Variants in PPIA observed in about 807,000 individuals in gnomAD.
PPIA encodes peptidylprolyl isomerase A, also known as peptidyl-prolyl cis-trans isomerase A.
A neutral mutation model predicts 15.3 loss-of-function variants in PPIA; 2 were observed. That is an observed-to-expected ratio of 0.13 (90% CI 0.05 to 0.41). The LOEUF is 0.41. Ranked by LOEUF, PPIA falls within the 10% of genes least tolerant of loss-of-function variation. The pLI, the probability that PPIA is intolerant of heterozygous loss-of-function variation, is 0.99. For missense variants in PPIA, 103 were observed against 210.3 expected (o/e 0.49, Z 3.16); for synonymous variants, 67 against 73.1 (o/e 0.92, Z 0.43).
intron 1 of PPIA, chr7:44,798,726 T>A: frequency 1.0e-6 from 1 of 985,676 alleles, no homozygotes; most frequent in Non-Finnish European, 1.2e-6. Context: ...AAACCAATCT[T>A]TATTTTTTAC....
rs1792587841 is a variant in PPIA, at chr7:44,802,178, T to TTG, written c.*757_*758insGT. On this transcript the variant is annotated 3_prime_UTR_variant, in exon 5 of 5. Coordinates refer to ENST00000468812, the MANE Select transcript of PPIA (RefSeq NM_021130.5). ...AAATTGAGACATCTGTTGCGGTTTT[T>TTG]TTTTTTTTTTTTTCCCCTGGAATGC... is the stretch of plus-strand genomic sequence containing the variant. 6.6e-6 allele frequency: 1 copy of TTG among 150,748 alleles called. No individual in the cohort carries two copies. The allele number at this position is 150,748 out of a possible 1,614,324, so 9.3% of individuals were successfully genotyped here.
At chr7:44,797,835 C>G (rs1792426878) in intron 1 of PPIA, 1 of 152,186 alleles carries the variant, frequency 6.6e-6, no homozygotes. Flanking sequence ...CAAAAGGCCA[C>G]CAATGGCTAG....
chr7:44,800,479 C>G (rs1310572007), intron 4 of PPIA: 2 of 153,006 alleles, frequency 1.3e-5, no homozygotes, highest in African/African-American at 2.5e-5. Flanking sequence ...TCTCAGCTCA[C>G]TGCAACCTCC....
At position 44,801,542 on chromosome 7, in the gene PPIA, T is replaced by G. The variant is rs1249494534; in HGVS notation, c.*120T>G. ...TTTGTGCTCTCGCTGCAGTTCCCTTTGGGTTCCATGTTTTCCTTGTTCCCT... is the reference window on the plus strand; with the variant it reads ...TTTGTGCTCTCGCTGCAGTTCCCTTGGGGTTCCATGTTTTCCTTGTTCCCT... On this transcript the variant is annotated 3_prime_UTR_variant, in exon 5 of 5. Coordinates refer to ENST00000468812, the MANE Select transcript of PPIA (RefSeq NM_021130.5). 1.4e-5 allele frequency: 9 copies of G among 629,140 alleles called. No homozygotes were observed. Among genetic ancestry groups the G allele is most frequent in the Non-Finnish European group, 2.5e-5 (9 of 366,528 alleles). The allele number at this position is 629,140 out of a possible 1,614,324, so 39.0% of individuals were successfully genotyped here.
chr7:44,800,219 G>T (rs1264764287), intron 4 of PPIA, among the ~76,000 whole-genome samples: 1 of 152,074 alleles, frequency 6.6e-6, no homozygotes, highest in African/African-American at 2.4e-5. Context: ...CTCCTGAGTA[G>T]CTGAGAATAC....
At chr7:44,799,675 A>G in intron 3 of PPIA, 27 bp from the exon 4 acceptor site, 1 of 1,613,688 alleles carries the variant, frequency 6.2e-7, no homozygotes, top group Middle Eastern at 1.7e-4. Context: ...TGTTGTCAGA[A>G]GTGACATTTT....
rs570848571 is a variant in PPIA at position 44,802,094 on chromosome 7, G to T, written c.*672G>T. The T allele has an allele frequency of 1.3e-5, 2 of 152,236 alleles. 1 individual carries two copies. Among genetic ancestry groups the T allele is most frequent in the South Asian group, 4.1e-4 (2 of 4,826 alleles). The allele number at this position is 152,236 out of a possible 1,614,324, so 9.4% of individuals were successfully genotyped here. ...AGCAAGGAGCCAGAATTAAGAGGTT[G>T]GGTCAGTCTGCAGTGAGTTCATGCA... On this transcript the variant is annotated 3_prime_UTR_variant, in exon 5 of 5. Transcript: ENST00000468812.
chr7:44,799,506 T>C (rs1165797898), intron 3 of PPIA, 26 bp downstream of exon 3: 1 of 1,606,020 alleles, frequency 6.2e-7, no homozygotes, highest in South Asian at 1.1e-5. Context: ...AATTTTATTT[T>C]ATTTGGGTTG....
Position 44,801,433 on chromosome 7 carries a change from T to G in PPIA, c.*11T>G. 1 of 1,516,716 alleles carries G rather than the reference T, an allele frequency of 6.6e-7. No individual in the cohort carries two copies. Among genetic ancestry groups the G allele is most frequent in the Non-Finnish European group, 9.1e-7 (1 of 1,104,142 alleles). 94.0% of individuals were successfully genotyped at this position (1,516,716 alleles called of 1,614,324 possible). ...GGACAACTCGAATAAGTTTGACTTGTGTTTTATCTTAACCACCAGATCATT... is the reference window on the plus strand; with the variant it reads ...GGACAACTCGAATAAGTTTGACTTGGGTTTTATCTTAACCACCAGATCATT... On this transcript the variant is annotated 3_prime_UTR_variant, in exon 5 of 5. Coordinates refer to ENST00000468812, the MANE Select transcript of PPIA (RefSeq NM_021130.5).
At chr7:44,799,657 C>T (rs1351002224) in intron 3 of PPIA, 45 bp from the exon 4 acceptor site, 1 of 1,611,544 alleles carries the variant, frequency 6.2e-7, no homozygotes, top group African/African-American at 1.3e-5. Context: ...TGGCACACTT[C>T]ATGGTTATGT....
At chr7:44,798,901 C>T (rs1792461737) in intron 1 of PPIA, 1 of 1,060,834 alleles carries the variant, frequency 9.4e-7, no homozygotes, top group South Asian at 3.6e-5. Context: ...TAGAATTTTG[C>T]CTTGTAAGTT....
At chr7:44,800,859 C>G (rs535135235) in intron 4 of PPIA, among the ~76,000 whole-genome samples, 1 of 152,038 alleles carries the variant, frequency 6.6e-6, no homozygotes, top group African/African-American at 2.4e-5. Context: ...GCTCTGTCGC[C>G]CAGGCTGGAG....
Position 44,801,982 on chromosome 7 carries a change from T to C in PPIA, c.*560T>C, listed in dbSNP as rs1792576340. The C allele has an allele frequency of 6.3e-6, 1 of 158,010 alleles. No individual in the cohort carries two copies. The highest frequency in any genetic ancestry group is 1.4e-5 in the Non-Finnish European group (1 of 72,012). 9.8% of individuals were successfully genotyped at this position (158,010 alleles called of 1,614,324 possible). ...CTGGAGGCTGACGTGGGAGGATTGCTTGAGCCTAGAGTGAGCTATTATCAT... is the reference window on the plus strand; with the variant it reads ...CTGGAGGCTGACGTGGGAGGATTGCCTGAGCCTAGAGTGAGCTATTATCAT... On this transcript the variant is annotated 3_prime_UTR_variant, in exon 5 of 5. Coordinates refer to ENST00000468812, the MANE Select transcript of PPIA (RefSeq NM_021130.5).
chr7:44,797,724 A>C (rs1042311612), intron 1 of PPIA, among the ~76,000 whole-genome samples: 3 of 152,252 alleles, frequency 2.0e-5, no homozygotes, highest in Non-Finnish European at 4.4e-5. Context: ...GCGTGTCTTC[A>C]AAGTTAAATA....
At position 44,801,488 on chromosome 7, in the gene PPIA, A is replaced by C. The variant is rs1266550888; in HGVS notation, c.*66A>C. ...CTGTAGCTCAGGAGAGCACCCCTCCACCCCATTTGCTCGCAGTATCCTAGA... is the reference window on the plus strand; with the variant it reads ...CTGTAGCTCAGGAGAGCACCCCTCCCCCCCATTTGCTCGCAGTATCCTAGA... On this transcript the variant is annotated 3_prime_UTR_variant, in exon 5 of 5. Transcript: ENST00000468812. 8.1e-7 allele frequency: 1 copy of C among 1,241,830 alleles called. No individual in the cohort carries two copies. The highest frequency in any genetic ancestry group is 1.5e-5 in the African/African-American group (1 of 66,406). The allele number at this position is 1,241,830 out of a possible 1,614,324, so 76.9% of individuals were successfully genotyped here. A position where few individuals can be genotyped will look rare whatever the true frequency, so the allele number is the denominator to read the frequency against.
intron 4 of PPIA, 39 bp from the exon 5 acceptor site, chr7:44,801,248 T>C: frequency 6.2e-7 from 1 of 1,609,074 alleles, no homozygotes; most frequent in Non-Finnish European, 8.5e-7. Flanking sequence ...GCTGCTTGTT[T>C]GTGGTTGCCA....
chr7:44,796,786 C>T lies in PPIA; in HGVS notation c.62C>T (p.Ser21Phe). The T allele has an allele frequency of 1.2e-6, 2 of 1,606,620 alleles. No individual in the cohort carries two copies. The highest frequency in any genetic ancestry group is 1.7e-6 in the Non-Finnish European group (2 of 1,177,164). Residue 21 changes from serine to phenylalanine, a missense_variant, in exon 1 of 5, where the codon TCC (serine) becomes TTC (phenylalanine). By Grantham distance (155) the Ser-to-Phe change is radical. Transcript: ENST00000468812. Reference sequence around the variant, plus strand: ...GACGGCGAGCCCTTGGGCCGCGTCTCCTTTGAGGTCGGGCGGGCGGCGGCG... The same window carrying T: ...GACGGCGAGCCCTTGGGCCGCGTCTTCTTTGAGGTCGGGCGGGCGGCGGCG... ...AVDGEPLGRV[S>F]FELFADKVPK...
chr7:44,801,021 G>A (rs908502074), intron 4 of PPIA, among the ~76,000 whole-genome samples: 1 of 151,980 alleles, frequency 6.6e-6, no homozygotes, highest in Admixed American at 6.6e-5. Context: ...GTTTCACCGT[G>A]TTAGCCAGGA....
intron 2 of PPIA, 55 bp from the exon 3 acceptor site, chr7:44,799,337 G>A (rs997227585): frequency 7.5e-6 from 12 of 1,598,962 alleles, no homozygotes; most frequent in Non-Finnish European, 1.0e-5. Flanking sequence ...GTGTGTGTGT[G>A]TGTATATATA....
Sources: allele counts gnomAD v4.1 joint callset (sites outside exome capture counted in the v4.1 genomes callset), GRCh38; gene constraint gnomAD v4.1.1; transcripts MANE v1.5; gene names NCBI Gene and HGNC (gene_info 2026-07-23, HGNC 2026-07-21).